Variants in SUGT1 observed in about 807,000 individuals in gnomAD.
The protein encoded by SUGT1 is protein SGT1 homolog.
Under a neutral mutation model 56.1 loss-of-function variants are expected in SUGT1, and 15 were observed. The ratio of observed to expected loss-of-function variants is 0.27; its 90% CI spans 0.18 to 0.41. The LOEUF is 0.41. SUGT1 is among the 10% of genes least tolerant of loss of function. The probability of loss-of-function intolerance (pLI) is 1.00; values close to 1 mark genes in which losing one functional copy is unlikely to be tolerated. For synonymous variants in SUGT1, 123 were observed against 128.6 expected (o/e 0.96, Z 0.30); for missense variants, 347 against 382.2 (o/e 0.91, Z 0.77).
chr13:52,680,587 C>T (rs995781085), intron 12 of SUGT1, among the ~76,000 whole-genome samples: 3 of 152,076 alleles, frequency 2.0e-5, no homozygotes, highest in African/African-American at 7.2e-5. Flanking sequence ...AAAATTCAGG[C>T]TTTTTGTCAG....
At chr13:52,684,577 C>T (rs968689159) in intron 12 of SUGT1, among the ~76,000 whole-genome samples, 1 of 151,998 alleles carries the variant, frequency 6.6e-6, no homozygotes, top group Non-Finnish European at 1.5e-5. Flanking sequence ...CTCCCTCTGT[C>T]GCCCAGAGGG....
In SUGT1 at chr13:52,699,493, G is replaced by A. The variant is rs1449291321; in HGVS notation, c.*11658G>A. On this transcript the variant is annotated 3_prime_UTR_variant, in exon 13 of 13. Transcript: ENST00000310528. Reference sequence around the variant, plus strand: ...AGTGAATGTTAAAAATTACGGTGCTGGTTGAGTAGGCCGAGTAGAATTTGT... The same window carrying A: ...AGTGAATGTTAAAAATTACGGTGCTAGTTGAGTAGGCCGAGTAGAATTTGT... 6.6e-6 allele frequency: 1 copy of A among 152,120 alleles called. No homozygotes were observed. The highest frequency in any genetic ancestry group is 2.4e-5 in the African/African-American group (1 of 41,430). 9.4% of individuals were successfully genotyped at this position (152,120 alleles called of 1,614,324 possible). A position where few individuals can be genotyped will look rare whatever the true frequency, so the allele number is the denominator to read the frequency against.
chr13:52,656,361 C>A (rs1383360821), intron 2 of SUGT1, among the ~76,000 whole-genome samples: 1 of 152,202 alleles, frequency 6.6e-6, no homozygotes, highest in Non-Finnish European at 1.5e-5. Context: ...TATTTCTTTT[C>A]ATCACCTCTG....
At chr13:52,682,808 T>A (rs1288041826) in intron 12 of SUGT1, among the ~76,000 whole-genome samples, 1 of 152,232 alleles carries the variant, frequency 6.6e-6, no homozygotes, top group Non-Finnish European at 1.5e-5. Context: ...TCCTACTTTA[T>A]CCTTTATTTT....
chr13:52,684,693 T>C (rs1223727099), intron 12 of SUGT1, among the ~76,000 whole-genome samples: 2 of 150,544 alleles, frequency 1.3e-5, no homozygotes, highest in South Asian at 2.1e-4. Flanking sequence ...TCTCAGTTAA[T>C]TTTTTTTTAT....
intron 10 of SUGT1, among the ~76,000 whole-genome samples, chr13:52,675,862 T>C (rs9596668): frequency 0.07 from 10,704 of 152,236 alleles, 372 homozygotes; most frequent in African/African-American, 0.076. Context: ...TCAATAGATG[T>C]CATTATCACC....
At chr13:52,657,466 G>C in intron 2 of SUGT1, 66 bp from the exon 3 acceptor site, 2 of 1,322,120 alleles carry the variant, frequency 1.5e-6, no homozygotes, top group Non-Finnish European at 1.1e-6. Flanking sequence ...TAAAAATTAT[G>C]TTTTAATTAG....
rs1365033928 is a variant in SUGT1, at chr13:52,692,377, A to G, written c.*4542A>G. On this transcript the variant is annotated 3_prime_UTR_variant, in exon 13 of 13. Transcript: ENST00000310528. The stretch of plus-strand genomic sequence containing the variant: ...TTATTACCAAATCAGCTGACTGGAA[A>G]TGAAGCAGAGAATATTCAAGTTAAA... 4 of 152,162 alleles carry G rather than the reference A, an allele frequency of 2.6e-5. No individual in the cohort carries two copies. Among genetic ancestry groups the G allele is most frequent in the African/African-American group, 4.8e-5 (2 of 41,426 alleles). The allele number at this position is 152,162 out of a possible 1,614,324, so 9.4% of individuals were successfully genotyped here.
At position 52,659,162 on chromosome 13, in the gene SUGT1, T is replaced by C. The variant is rs1406028209; in HGVS notation, c.258-17T>C. The C allele has an allele frequency of 5.3e-6, 8 of 1,520,106 alleles. No homozygotes were observed. The highest frequency in any genetic ancestry group is 7.0e-6 in the Non-Finnish European group (8 of 1,140,638). 94.2% of individuals were successfully genotyped at this position (1,520,106 alleles called of 1,614,324 possible). On this transcript the variant is annotated splice_polypyrimidine_tract_variant and intron_variant, in intron 4 of 12. Coordinates refer to ENST00000310528, the MANE Select transcript of SUGT1 (RefSeq NM_006704.5). ...ATTTTTTGTGTGTCTTAATTTGTTT[T>C]AAATATATTCATGCAGAATATGTGA... is the stretch of plus-strand genomic sequence containing the variant.
chr13:52,657,595 T>C lies in SUGT1; in HGVS notation c.160T>C (p.Cys54Arg), dbSNP rs1962228367. The C allele has an allele frequency of 6.2e-7, 1 of 1,613,622 alleles. No homozygotes were observed. The highest frequency in any genetic ancestry group is 1.3e-5 in the African/African-American group (1 of 74,936). The part of the protein sequence containing the change: ...DAQYYCQRAY[C>R]HILLGNYCVA... ...ACAGTATTATTGTCAAAGAGCTTAT[T>C]GTCACATTCTTCTTGGGAATTACTG... The change falls in exon 3 of 13, where the codon TGT becomes CGT. Residue 54 changes from cysteine to arginine, a missense_variant. Physicochemically the swap from Cys to Arg is radical, Grantham distance 180. Transcript: ENST00000310528.
At chr13:52,673,258 G>A (rs1199766514) in intron 10 of SUGT1, among the ~76,000 whole-genome samples, 1 of 126,432 alleles carries the variant, frequency 7.9e-6, no homozygotes, top group Non-Finnish European at 1.7e-5. Flanking sequence ...TTTTTTTTGT[G>A]TGGGGGTAGA....
At chr13:52,668,735 C>CT (rs1475326159) in intron 10 of SUGT1, among the ~76,000 whole-genome samples, 1 of 150,262 alleles carries the variant, frequency 6.7e-6, no homozygotes, top group African/African-American at 2.5e-5. Context: ...ATGAATTTGA[C>CT]TTTTTTTGGT....
chr13:52,665,585 A>G (rs1962662307), intron 8 of SUGT1, 52 bp from the exon 9 acceptor site: 1 of 1,382,638 alleles, frequency 7.2e-7, no homozygotes, highest in East Asian at 2.4e-5. Flanking sequence ...TTTTGACAAT[A>G]GCTTTAAAAA....
At chr13:52,682,552 G>A (rs1200006715) in intron 12 of SUGT1, among the ~76,000 whole-genome samples, 1 of 152,202 alleles carries the variant, frequency 6.6e-6, no homozygotes, top group African/African-American at 2.4e-5. Context: ...TGTCAAGTGT[G>A]AGATTTAACT....
rs922449908 is a variant in SUGT1, at chr13:52,696,573, T to A, written c.*8738T>A. 3.3e-5 allele frequency: 5 copies of A among 152,206 alleles called. No homozygotes were observed. The highest frequency in any genetic ancestry group is 9.7e-5 in the African/African-American group (4 of 41,432). The allele number at this position is 152,206 out of a possible 1,614,324, so 9.4% of individuals were successfully genotyped here. A position where few individuals can be genotyped will look rare whatever the true frequency, so the allele number is the denominator to read the frequency against. Reference sequence around the variant, plus strand: ...CATAGTGTTTAAAATTGGGGTTTTTTAAAAATGTCAAGCCCTTAAAGTTGA... The same window carrying A: ...CATAGTGTTTAAAATTGGGGTTTTTAAAAAATGTCAAGCCCTTAAAGTTGA... On this transcript the variant is annotated 3_prime_UTR_variant, in exon 13 of 13. Transcript: ENST00000310528.
At chr13:52,685,103 ATTG>A (rs1963526480) in intron 12 of SUGT1, among the ~76,000 whole-genome samples, 1 of 140,900 alleles carries the variant, frequency 7.1e-6, no homozygotes, top group African/African-American at 2.7e-5. Flanking sequence ...GTCTTGCTCT[ATTG>A]TTCCAGCTGG....
At chr13:52,682,907 T>C (rs1331843188) in intron 12 of SUGT1, among the ~76,000 whole-genome samples, 1 of 152,244 alleles carries the variant, frequency 6.6e-6, no homozygotes, top group East Asian at 1.9e-4. Flanking sequence ...TGTTCATTAC[T>C]AGAATCTAGA....
At chr13:52,663,136 C>T (rs1566179993) in intron 7 of SUGT1, 24 bp downstream of exon 7, 1 of 1,603,072 alleles carries the variant, frequency 6.2e-7, no homozygotes, top group Non-Finnish European at 8.5e-7. Context: ...TTTCATTCTT[C>T]ATGTTTTTAT....
chr13:52,678,976 C>G (rs1294168867), intron 11 of SUGT1, among the ~76,000 whole-genome samples: 1 of 152,052 alleles, frequency 6.6e-6, no homozygotes, highest in Admixed American at 6.6e-5. Context: ...GCCCCCATGC[C>G]CGGCCTCTGT....
Sources: gnomAD v4.1 joint callset for allele counts (sites outside exome capture counted in the v4.1 genomes callset) on GRCh38, gnomAD v4.1.1 for gene constraint, MANE v1.5 for transcripts, NCBI Gene and HGNC (gene_info 2026-07-23, HGNC 2026-07-21) for gene names.